The following KIF26B variants were observed in gnomAD, a reference collection of about 807,000 sequenced individuals.
KIF26B encodes kinesin-like protein KIF26B.
KIF26B carries 63 observed loss-of-function variants against 151.2 expected under a neutral mutation model. That is an observed-to-expected ratio of 0.42 (90% CI 0.34 to 0.51). The LOEUF is 0.51. Among genes scored for constraint, KIF26B ranks in the 20% least tolerant of loss-of-function variants. The pLI is 0.07. For missense variants in KIF26B, 2,813 were observed against 2,913.6 expected, an observed-to-expected ratio of 0.97 and a Z score of 0.79; for synonymous variants, 1,357 against 1,262.1, an observed-to-expected ratio of 1.08 and a Z score of -1.59.
intron 8 of KIF26B, 31 bp downstream of exon 8, chr1:245,609,559 A>T: frequency 6.7e-7 from 1 of 1,483,160 alleles, no homozygotes. Context: ...GCTCGCCCCA[A>T]GGTGGCTCCC....
rs886996963 is a variant in KIF26B at position 245,606,389 on chromosome 1, C to T, written c.1558-1262C>T. ...CGAGGGCTGCAAAGCCCCATGTTAG[C>T]ACTGCCTCCCGGAGCTCCCACGAGC... is the stretch of plus-strand genomic sequence containing the variant. On this transcript the variant is annotated intron_variant, in intron 6 of 14. Transcript: ENST00000407071. The surrounding 1 kb of genome is among the most constrained non-coding windows in gnomAD (Gnocchi z 4.6). Among the ~76,000 whole-genome samples, 23 of 151,742 alleles carry T rather than the reference C, an allele frequency of 1.5e-4. No individual in the cohort carries two copies. Among genetic ancestry groups the T allele is most frequent in the African/African-American group, 4.6e-4 (19 of 41,596 alleles).
chr1:245,369,205 G>T (rs1211224024), intron 3 of KIF26B, among the ~76,000 whole-genome samples: 1 of 151,948 alleles, frequency 6.6e-6, no homozygotes, highest in Non-Finnish European at 1.5e-5. Context: ...GAGACAGACA[G>T]ACAGACAGAC....
rs1027211284 is a variant in KIF26B, at chr1:245,706,956, C to T, written c.*4350C>T. 2 of 152,236 alleles carry T rather than the reference C, an allele frequency of 1.3e-5. No individual in the cohort carries two copies. Among genetic ancestry groups the T allele is most frequent in the Middle Eastern group, 3.2e-3 (1 of 316 alleles). The allele number at this position is 152,236 out of a possible 1,614,324, so 9.4% of individuals were successfully genotyped here. On this transcript the variant is annotated 3_prime_UTR_variant, in exon 15 of 15. Coordinates refer to ENST00000407071, the MANE Select transcript of KIF26B (RefSeq NM_018012.4). ...CTCTTTTTCCACCTCCAGAAAGTAT[C>T]TGTCAACATTGGTGGGTAACAGCTT...
chr1:245,657,048 C>T (rs2044082643), intron 10 of KIF26B, among the ~76,000 whole-genome samples: 1 of 152,120 alleles, frequency 6.6e-6, no homozygotes, highest in African/African-American at 2.4e-5. Context: ...CTTTATGATA[C>T]TCTGTTCTTT....
At chr1:245,639,581 A>G (rs2043867219) in intron 9 of KIF26B, among the ~76,000 whole-genome samples, 1 of 151,578 alleles carries the variant, frequency 6.6e-6, no homozygotes, top group Admixed American at 6.6e-5. Flanking sequence ...TGGAGTCTAT[A>G]TTTTTAATGT....
intron 2 of KIF26B, among the ~76,000 whole-genome samples, chr1:245,188,082 C>T (rs926630949): frequency 1.3e-5 from 2 of 152,004 alleles, no homozygotes; most frequent in Non-Finnish European, 2.9e-5. Context: ...GAATTCGAGA[C>T]CTGCTTAGCC....
chr1:245,164,243 GTTA>G (rs1227206298), intron 2 of KIF26B, among the ~76,000 whole-genome samples: 1 of 152,110 alleles, frequency 6.6e-6, no homozygotes, highest in Admixed American at 6.5e-5. Flanking sequence ...AATATTGTGA[GTTA>G]TTATTATTGA....
intron 2 of KIF26B, among the ~76,000 whole-genome samples, chr1:245,310,592 G>C (rs1671646821): frequency 6.6e-6 from 1 of 152,226 alleles, no homozygotes; most frequent in Non-Finnish European, 1.5e-5. Flanking sequence ...ACTCTCAGCG[G>C]TGAAAATGGG....
At chr1:245,389,765 C>A (rs1186296550) in intron 3 of KIF26B, among the ~76,000 whole-genome samples, 1 of 152,172 alleles carries the variant, frequency 6.6e-6, no homozygotes, top group Non-Finnish European at 1.5e-5. Flanking sequence ...ATTTAAAGAT[C>A]TAAGTCATTT....
At chr1:245,195,995 G>T (rs1573701560) in intron 2 of KIF26B, among the ~76,000 whole-genome samples, 1 of 152,286 alleles carries the variant, frequency 6.6e-6, no homozygotes, top group East Asian at 1.9e-4. Context: ...TGGAGCCCTT[G>T]CCTGGGGCTT....
intron 10 of KIF26B, among the ~76,000 whole-genome samples, chr1:245,680,003 G>T (rs1357797958): frequency 1.3e-5 from 2 of 152,058 alleles, no homozygotes; most frequent in Admixed American, 6.5e-5. Flanking sequence ...CTGGGGAGGG[G>T]GTGGCCAGCG....
intron 10 of KIF26B, among the ~76,000 whole-genome samples, chr1:245,646,672 AT>A (rs1558250382): frequency 6.6e-6 from 1 of 152,312 alleles, no homozygotes; most frequent in East Asian, 1.9e-4. Context: ...AACCAAAAAA[AT>A]ATAGGATATC....
chr1:245,264,708 C>A (rs1670709226), intron 2 of KIF26B, among the ~76,000 whole-genome samples: 2 of 151,062 alleles, frequency 1.3e-5, no homozygotes, highest in African/African-American at 4.9e-5. Context: ...TCCTGGCTAA[C>A]AAGGTGAAAC....
chr1:245,680,659 C>T (rs916141967), intron 10 of KIF26B, among the ~76,000 whole-genome samples: 1 of 152,130 alleles, frequency 6.6e-6, no homozygotes, highest in Non-Finnish European at 1.5e-5. Context: ...AACAAGACGA[C>T]GGGGAACTTC....
intron 4 of KIF26B, among the ~76,000 whole-genome samples, chr1:245,428,443 C>T (rs184996415): frequency 1.3e-5 from 2 of 152,244 alleles, no homozygotes; most frequent in East Asian, 1.9e-4. Flanking sequence ...TATGAGACAG[C>T]GAAAGCACAG....
At chr1:245,652,543 G>C (rs2044031085) in intron 10 of KIF26B, among the ~76,000 whole-genome samples, 1 of 152,120 alleles carries the variant, frequency 6.6e-6, no homozygotes, top group African/African-American at 2.4e-5. Flanking sequence ...GAAATCTCGA[G>C]AGATTGTTAT....
intron 5 of KIF26B, among the ~76,000 whole-genome samples, chr1:245,588,723 T>C (rs1225969355): frequency 6.6e-6 from 1 of 152,126 alleles, no homozygotes; most frequent in Non-Finnish European, 1.5e-5. Context: ...ACCCAACTGG[T>C]TCCCCATCCT....
At chr1:245,182,802 A>T (rs1226253360) in intron 2 of KIF26B, among the ~76,000 whole-genome samples, 1 of 151,818 alleles carries the variant, frequency 6.6e-6, no homozygotes, top group African/African-American at 2.4e-5. Context: ...TGCCTGGCTA[A>T]TTTTTTGTAT....
At chr1:245,694,061 G>A (rs1034823559) in intron 12 of KIF26B, among the ~76,000 whole-genome samples, 11 of 152,330 alleles carry the variant, frequency 7.2e-5, no homozygotes, top group East Asian at 3.9e-4. Flanking sequence ...TGACACTGTG[G>A]TCCTAGGTGC....
Sources: gnomAD v4.1 joint callset for allele counts (sites outside exome capture counted in the v4.1 genomes callset) on GRCh38, gnomAD v4.1.1 for gene constraint, Gnocchi (gnomAD v3.1) non-coding constraint, MANE v1.5 for transcripts, NCBI Gene and HGNC (gene_info 2026-07-23, HGNC 2026-07-21) for gene names.